Variants in ADGRG1 observed in about 807,000 individuals in gnomAD.
The protein encoded by ADGRG1 is adhesion G protein-coupled receptor G1.
In ADGRG1, 53 loss-of-function variants were observed where a neutral mutation model predicts 73.5. The observed-to-expected ratio is 0.72, with a 90% CI of 0.58 to 0.91. The LOEUF (loss-of-function observed/expected upper bound fraction) is 0.91. Among genes scored for constraint, ADGRG1 ranks in the 40% least tolerant of loss-of-function variants. The pLI, the probability that ADGRG1 is intolerant of heterozygous loss-of-function variation, is 0.00. For missense variants in ADGRG1, 795 were observed against 871.8 expected (o/e 0.91, Z 1.11); for synonymous variants, 394 against 374.4 (o/e 1.05, Z -0.60).
intron 1 of ADGRG1, chr16:57,647,970 T>C (rs2043099635): frequency 6.3e-6 from 1 of 157,746 alleles, no homozygotes; most frequent in Non-Finnish European, 1.4e-5. Context: ...CCTTCAGCCA[T>C]GCCTACTGAC....
chr16:57,623,201 A>T, upstream of ADGRG1: 1 of 984,968 alleles, frequency 1.0e-6, no homozygotes, highest in Non-Finnish European at 1.2e-6. Flanking sequence ...GATAAGTGCT[A>T]AACAGGGGTT....
chr16:57,644,720 C>A (rs942982980), intron 1 of ADGRG1, among the ~76,000 whole-genome samples: 2 of 61,296 alleles, frequency 3.3e-5, no homozygotes, highest in Non-Finnish European at 6.7e-5. Context: ...ACTGATCACA[C>A]GCACTGGCAC....
chr16:57,659,585 A>G lies in ADGRG1; in HGVS notation c.1459A>G (p.Met487Val). ...HFSLLTCLSW[M>V]GLEGYNLYRL... ...CTCCCTGCTCACCTGCCTTTCCTGGATGGGCCTCGAGGGGTACAACCTCTA... is the reference window on the plus strand; with the variant it reads ...CTCCCTGCTCACCTGCCTTTCCTGGGTGGGCCTCGAGGGGTACAACCTCTA... Residue 487 changes from methionine to valine, a missense_variant, in exon 11 of 14, where the codon ATG (methionine) becomes GTG (valine). By Grantham distance (21) the Met-to-Val change is conservative. Transcript: ENST00000562631. 6.2e-7 allele frequency: 1 copy of G among 1,613,950 alleles called. No individual in the cohort carries two copies. The highest frequency in any genetic ancestry group is 8.5e-7 in the Non-Finnish European group (1 of 1,179,916).
intron 1 of ADGRG1, chr16:57,630,900 T>C (rs1429629854): frequency 5.3e-6 from 5 of 945,826 alleles, no homozygotes; most frequent in Non-Finnish European, 6.3e-6. Flanking sequence ...GGGAGGGTGA[T>C]ACCGGACCCC....
At chr16:57,635,802 G>A in intron 1 of ADGRG1, 3 of 985,388 alleles carry the variant, frequency 3.0e-6, no homozygotes, top group Non-Finnish European at 3.6e-6. Flanking sequence ...TGCTCCTTTG[G>A]ATCCAGTTTT....
At chr16:57,622,310 G>A (rs137941426) in intron 2 of ADGRG1, among the ~76,000 whole-genome samples, 1 of 152,224 alleles carries the variant, frequency 6.6e-6, no homozygotes, top group African/African-American at 2.4e-5. Context: ...TATTCAGAGG[G>A]CTTCAGGGTG....
At chr16:57,662,900 T>C in intron 13 of ADGRG1, 2 of 984,862 alleles carry the variant, frequency 2.0e-6, no homozygotes, top group Non-Finnish European at 1.2e-6. Flanking sequence ...CAGCCTCCCA[T>C]ACAGGGTCAC....
At chr16:57,659,313 G>T in intron 10 of ADGRG1, 100 bp from the exon 11 acceptor site, 2 of 1,598,242 alleles carry the variant, frequency 1.3e-6, no homozygotes, top group Admixed American at 3.4e-5. Flanking sequence ...TGTGTGTGTC[G>T]GGGTGGGGGG....
chr16:57,656,716 G>A, intron 9 of ADGRG1, 99 bp downstream of exon 9: 8 of 804,724 alleles, frequency 9.9e-6, no homozygotes, highest in Non-Finnish European at 4.5e-6. Context: ...CCTCATAACA[G>A]CTCTCCAAGG....
At chr16:57,648,476 G>A (rs2043216605) in intron 1 of ADGRG1, 1 of 977,826 alleles carries the variant, frequency 1.0e-6, no homozygotes, top group Non-Finnish European at 1.2e-6. Flanking sequence ...TGAGAAATTG[G>A]GGTTCCATTC....
At chr16:57,637,465 TC>T (rs2039645258) in intron 1 of ADGRG1, 2 of 984,998 alleles carry the variant, frequency 2.0e-6, no homozygotes, top group Non-Finnish European at 2.4e-6. Context: ...CGTCTGTACC[TC>T]CCCCCAGGTC....
At chr16:57,631,445 G>A (rs1388594596) in intron 1 of ADGRG1, 9 of 985,392 alleles carry the variant, frequency 9.1e-6, no homozygotes, top group Admixed American at 1.2e-4. Flanking sequence ...GGGAGGCCAT[G>A]GAGGAGGCCG....
intron 1 of ADGRG1, chr16:57,643,602 G>A (rs3785325): frequency 1.0e-6 from 1 of 984,600 alleles, no homozygotes; most frequent in Middle Eastern, 5.2e-4. Context: ...AGAGTGTGAG[G>A]CTCACCCTGG....
rs1443566757 is a variant in ADGRG1, at chr16:57,654,037, C to T, written c.672C>T (p.Asp224=). The change falls in exon 5 of 14, where the codon GAC becomes GAT. Residue 224 remains aspartate (D), a synonymous_variant. Transcript: ENST00000562631. ...SKLTSVRFMG[D]MVSFEEDRIN... The stretch of plus-strand genomic sequence containing the variant: ...TGACCTCTGTGAGATTCATGGGGGA[C>T]ATGGTGTCCTTCGAGGAGGACCGGA... 3.7e-6 allele frequency: 6 copies of T among 1,613,990 alleles called. No individual in the cohort carries two copies. Among genetic ancestry groups the T allele is most frequent in the East Asian group, 2.2e-5 (1 of 44,896 alleles).
At chr16:57,644,869 C>T (rs1203999518) in intron 1 of ADGRG1, among the ~76,000 whole-genome samples, 5 of 150,200 alleles carry the variant, frequency 3.3e-5, no homozygotes, top group Non-Finnish European at 7.4e-5. Context: ...CCCATGCACA[C>T]ACACATGTAC....
intron 13 of ADGRG1, 52 bp from the exon 14 acceptor site, chr16:57,663,400 G>A: frequency 6.2e-7 from 1 of 1,608,644 alleles, no homozygotes; most frequent in Non-Finnish European, 8.5e-7. Flanking sequence ...GGAGGAGGAG[G>A]GATGGGGTGG....
chr16:57,651,247 C>A lies in ADGRG1; in HGVS notation c.112C>A (p.Arg38=), dbSNP rs121908462. The change falls in exon 3 of 14, where the codon CGG becomes AGG. Residue 38 remains arginine (R), a synonymous_variant. Transcript: ENST00000562631. ...HREDFRFCSQ[R]NQTHRSSLHY... The stretch of plus-strand genomic sequence containing the variant: ...GGAAGACTTTCGCTTCTGCAGCCAG[C>A]GGAACCAGACACACAGGAGCAGCCT... 1 of 1,614,132 alleles carries A rather than the reference C, an allele frequency of 6.2e-7. No homozygotes were observed. The highest frequency in any genetic ancestry group is 8.5e-7 in the Non-Finnish European group (1 of 1,179,970).
intron 1 of ADGRG1, chr16:57,641,146 A>G: frequency 1.2e-6 from 1 of 825,240 alleles, no homozygotes; most frequent in Non-Finnish European, 1.5e-6. Flanking sequence ...CAGTCAGGGG[A>G]CAAACATCAG....
At chr16:57,631,896 G>A (rs1003126356) in intron 1 of ADGRG1, 18 of 903,522 alleles carry the variant, frequency 2.0e-5, no homozygotes, top group Non-Finnish European at 2.4e-5. Context: ...CTGCTGGGTA[G>A]AGGGGCCAAG....
Sources: allele counts gnomAD v4.1 joint callset (sites outside exome capture counted in the v4.1 genomes callset), GRCh38; gene constraint gnomAD v4.1.1; transcripts MANE v1.5; gene names NCBI Gene and HGNC (gene_info 2026-07-23, HGNC 2026-07-21).